Variants in DOCK2 observed in about 807,000 individuals in gnomAD.
DOCK2 encodes dedicator of cytokinesis protein 2.
DOCK2 carries 87 observed loss-of-function variants against 248.9 expected under a neutral mutation model. That is an observed-to-expected ratio of 0.35 (90% confidence interval 0.29 to 0.42). The LOEUF (loss-of-function observed/expected upper bound fraction) is 0.42. DOCK2 is among the 10% of genes least tolerant of loss of function. The pLI is 1.00. For missense variants in DOCK2, 1,747 were observed against 2,300.2 expected (o/e 0.76, Z 4.92); for synonymous variants, 805 against 821.6 (o/e 0.98, Z 0.35).
At chr5:170,037,480 ATTTTTTT>A (rs370462327) in intron 36 of DOCK2, among the ~76,000 whole-genome samples, 2 of 134,460 alleles carry the variant, frequency 1.5e-5, no homozygotes, top group Admixed American at 7.7e-5. Flanking sequence ...ACAAAAACAA[ATTTTTTT>A]TTTTTTTTTT....
intron 2 of DOCK2, among the ~76,000 whole-genome samples, chr5:169,660,729 C>A (rs1357382446): frequency 6.6e-6 from 1 of 152,196 alleles, no homozygotes; most frequent in African/African-American, 2.4e-5. Flanking sequence ...AACATGGAAT[C>A]TTTTTAAAGC....
At chr5:169,736,770 C>G (rs1488007999) in intron 22 of DOCK2, among the ~76,000 whole-genome samples, 2 of 152,218 alleles carry the variant, frequency 1.3e-5, no homozygotes, top group African/African-American at 4.8e-5. Context: ...ATACCTGTCC[C>G]ATGCATACTG....
chr5:170,008,601 G>T lies in DOCK2; in HGVS notation c.3173+4G>T, dbSNP rs2113810143. On this transcript the variant is annotated splice_donor_region_variant and intron_variant, in intron 31 of 51. Transcript: ENST00000520908. ...AATACAACAAAATCCTGAATAAGTAGGTTGCATTTTTGGATTTCCTGAAGA... is the reference window on the plus strand; with the variant it reads ...AATACAACAAAATCCTGAATAAGTATGTTGCATTTTTGGATTTCCTGAAGA... 1 of 1,614,094 alleles carries T rather than the reference G, an allele frequency of 6.2e-7. No homozygotes were observed. The highest frequency in any genetic ancestry group is 8.5e-7 in the Non-Finnish European group (1 of 1,179,980).
intron 2 of DOCK2, among the ~76,000 whole-genome samples, chr5:169,658,044 A>T (rs574196745): frequency 6.6e-6 from 1 of 152,028 alleles, no homozygotes; most frequent in Admixed American, 6.5e-5. Flanking sequence ...ACATGGAATT[A>T]AAAAAAATAA....
At chr5:169,760,293 T>A (rs61606728) in intron 24 of DOCK2, among the ~76,000 whole-genome samples, 51,924 of 152,038 alleles carry the variant, frequency 0.34, 10,533 homozygotes, top group East Asian at 0.6. Flanking sequence ...AAATGTATTG[T>A]AGTTTACAGA....
chr5:169,936,886 A>G (rs1393141351), intron 27 of DOCK2, among the ~76,000 whole-genome samples: 1 of 152,166 alleles, frequency 6.6e-6, no homozygotes, highest in Admixed American at 6.5e-5. Flanking sequence ...CCTTCACTTA[A>G]TGAGCCAGAC....
chr5:169,934,178 T>C lies in DOCK2; in HGVS notation c.2800-48890T>C, dbSNP rs1468863246. On this transcript the variant is annotated intron_variant, in intron 27 of 51. Transcript: ENST00000520908. ...TTAGGGGTTGGCAGTAATCAGGTAC[T>C]GGGGCGGGGCTTATGCCACTTGCTT... Among the ~76,000 whole-genome samples the C allele has an allele frequency of 1.3e-5, 2 of 152,170 alleles. 1 individual carries two copies. The highest frequency in any genetic ancestry group is 2.9e-5 in the Non-Finnish European group (2 of 68,024).
Position 169,669,295 on chromosome 5 carries a change from T to C in DOCK2, c.135T>C (p.Tyr45=), listed in dbSNP as rs773232095. Residue 45 remains tyrosine (Y), a synonymous_variant, in exon 3 of 52, where the codon TAT becomes TAC. Coordinates refer to ENST00000520908, the MANE Select transcript of DOCK2 (RefSeq NM_004946.3). ...TTTGTTTTCTTTTTGCAGACTGGTATAGGGGATACCTCATAAAGCACAAAA... is the reference window on the plus strand; with the variant it reads ...TTTGTTTTCTTTTTGCAGACTGGTACAGGGGATACCTCATAAAGCACAAAA... ...VRIQETCGDW[Y]RGYLIKHKML... 6.2e-7 allele frequency: 1 copy of C among 1,614,176 alleles called. No homozygotes were observed. Among genetic ancestry groups the C allele is most frequent in the Non-Finnish European group, 8.5e-7 (1 of 1,180,002 alleles).
intron 30 of DOCK2, among the ~76,000 whole-genome samples, chr5:170,004,920 G>A: frequency 7.9e-6 from 1 of 126,612 alleles, no homozygotes; most frequent in Non-Finnish European, 1.6e-5. Context: ...ACTGTGGTGG[G>A]GTGGGGGGAG....
chr5:169,727,467 G>A (rs1581103517), intron 22 of DOCK2, among the ~76,000 whole-genome samples: 1 of 152,304 alleles, frequency 6.6e-6, no homozygotes, highest in African/African-American at 2.4e-5. Context: ...TGAAGCCGTG[G>A]TGGTGGAGGG....
chr5:169,660,212 A>G (rs945796726), intron 2 of DOCK2, among the ~76,000 whole-genome samples: 1 of 152,166 alleles, frequency 6.6e-6, no homozygotes, highest in Non-Finnish European at 1.5e-5. Flanking sequence ...TCCTAAGGCA[A>G]CAACTTCCTA....
At chr5:169,833,778 C>T (rs950101879) in intron 26 of DOCK2, among the ~76,000 whole-genome samples, 21 of 152,324 alleles carry the variant, frequency 1.4e-4, no homozygotes, top group African/African-American at 4.1e-4. Flanking sequence ...CATCTCCTAG[C>T]GCACTGGTGG....
At chr5:169,995,022 ATTTTTTAT>A (rs1754551048) in intron 29 of DOCK2, among the ~76,000 whole-genome samples, 1 of 122,320 alleles carries the variant, frequency 8.2e-6, no homozygotes, top group African/African-American at 3.3e-5. Flanking sequence ...CAGTATTGTT[ATTTTTTAT>A]TTTTTTTTTT....
At chr5:169,788,307 A>G (rs1232595054) in intron 25 of DOCK2, among the ~76,000 whole-genome samples, 3 of 152,058 alleles carry the variant, frequency 2.0e-5, no homozygotes, top group South Asian at 4.1e-4. Context: ...CGGAAGTGCC[A>G]TGGAGGGACA....
chr5:169,774,403 G>A (rs1413204212), intron 25 of DOCK2, among the ~76,000 whole-genome samples: 4 of 152,126 alleles, frequency 2.6e-5, no homozygotes, highest in South Asian at 2.1e-4. Context: ...TTTAACAGGT[G>A]AGGAAACTGA....
intron 25 of DOCK2, among the ~76,000 whole-genome samples, chr5:169,773,964 G>A (rs1453641616): frequency 1.3e-5 from 2 of 152,074 alleles, no homozygotes; most frequent in East Asian, 1.9e-4. Context: ...ATTATTGTGA[G>A]ACCTCCCTAG....
intron 28 of DOCK2, among the ~76,000 whole-genome samples, chr5:169,983,716 C>A (rs933996004): frequency 1.3e-5 from 2 of 152,154 alleles, no homozygotes; most frequent in East Asian, 3.9e-4. Context: ...GCACACTTTG[C>A]CCTCAGTGTG....
At chr5:169,856,348 C>T (rs1014504224) in intron 27 of DOCK2, among the ~76,000 whole-genome samples, 4 of 152,188 alleles carry the variant, frequency 2.6e-5, no homozygotes, top group East Asian at 1.9e-4. Flanking sequence ...CTGCATTTTC[C>T]GCTCAGTGTC....
At chr5:169,713,968 C>G in intron 17 of DOCK2, 60 bp from the exon 18 acceptor site, 1 of 1,505,116 alleles carries the variant, frequency 6.6e-7, no homozygotes, top group Non-Finnish European at 8.9e-7. Context: ...CTGCTGCAGG[C>G]TCTGTGTGGC....
Sources: gnomAD v4.1 joint callset for allele counts (sites outside exome capture counted in the v4.1 genomes callset) on GRCh38, gnomAD v4.1.1 for gene constraint, MANE v1.5 for transcripts, NCBI Gene and HGNC (gene_info 2026-07-23, HGNC 2026-07-21) for gene names.